The following DNAJC17 variants were observed in gnomAD, a reference collection of about 807,000 sequenced individuals.
DNAJC17 encodes the protein DnaJ heat shock protein family (Hsp40) member C17, also known as dnaJ homolog subfamily C member 17.
A neutral mutation model predicts 48.1 loss-of-function variants in DNAJC17; 35 were observed. The observed-to-expected ratio is 0.73, with a 90% CI of 0.56 to 0.96. The LOEUF (loss-of-function observed/expected upper bound fraction) is 0.96, where lower values mean the gene tolerates loss of function less well. Among genes scored for constraint, DNAJC17 ranks in the 50% least tolerant of loss-of-function variants. The pLI is 0.00. For missense variants in DNAJC17, 355 were observed against 377.1 expected, an observed-to-expected ratio of 0.94 and a Z score of 0.48; for synonymous variants, 117 against 142.7, an observed-to-expected ratio of 0.82 and a Z score of 1.28.
chr15:40,779,776 C>A (rs907392523), intron 2 of DNAJC17, 152 bp downstream of exon 2: 3 of 1,092,628 alleles, frequency 2.7e-6, no homozygotes, highest in Non-Finnish European at 2.7e-6. Flanking sequence ...TGACCAGACA[C>A]CCCTCACAGG....
intron 1 of DNAJC17, among the ~76,000 whole-genome samples, chr15:40,802,009 C>G (rs1890088563): frequency 6.6e-6 from 1 of 151,916 alleles, no homozygotes; most frequent in Non-Finnish European, 1.5e-5. Context: ...GGGAGGCTGA[C>G]TCATCAGGAC....
chr15:40,802,273 C>A (rs752082548), intron 1 of DNAJC17, among the ~76,000 whole-genome samples: 1 of 151,388 alleles, frequency 6.6e-6, no homozygotes, highest in Non-Finnish European at 1.5e-5. Flanking sequence ...CAGGTTCAAG[C>A]GATTCTCCTG....
intron 7 of DNAJC17, 198 bp downstream of exon 7, chr15:40,775,355 T>G: frequency 1.3e-6 from 1 of 744,294 alleles, no homozygotes; most frequent in Non-Finnish European, 2.3e-6. Context: ...CTCTGCCCTG[T>G]GATCAGGGCT....
Position 40,767,967 on chromosome 15 carries a change from C to G in DNAJC17, c.888G>C (p.Gln296His). Residue 296 changes from glutamine (Q) to histidine (H), a missense_variant, in exon 11 of 11, where the codon CAG (glutamine) becomes CAC (histidine). Transcript: ENST00000220496. ...ACGTAGGCGGCCCCTCCTGGTCTTCCTGCTGCATCCGTGCGATCAGCTGTT... is the reference window on the plus strand; with the variant it reads ...ACGTAGGCGGCCCCTCCTGGTCTTCGTGCTGCATCCGTGCGATCAGCTGTT... ...ERQQLIARMQ[Q>H]EDQEGPPT is the part of the protein sequence containing the mutation. 6.2e-7 allele frequency: 1 copy of G among 1,613,008 alleles called. No individual in the cohort carries two copies. The highest frequency in any genetic ancestry group is 8.5e-7 in the Non-Finnish European group (1 of 1,179,702).
At position 40,769,103 on chromosome 15, in the gene DNAJC17, A is replaced by G. The variant is rs1261422571; in HGVS notation, c.793-1041T>C. On this transcript the variant is annotated intron_variant, in intron 10 of 10. Transcript: ENST00000220496. This position sits in a 1 kb window ranked among gnomAD's most constrained non-coding sequence, Gnocchi z 4.2. Reference sequence around the variant, plus strand: ...GAGTAAGGGGTGTAGAGAAACAGGAAGTGTTACTCAGCCTGGGTTCCCCTG... The same window carrying G: ...GAGTAAGGGGTGTAGAGAAACAGGAGGTGTTACTCAGCCTGGGTTCCCCTG... 6.6e-6 allele frequency among the ~76,000 whole-genome samples: 1 copy of G among 152,186 alleles called. No homozygotes were observed. Among genetic ancestry groups the G allele is most frequent in the Non-Finnish European group, 1.5e-5 (1 of 68,024 alleles).
intron 8 of DNAJC17, 123 bp from the exon 9 acceptor site, chr15:40,774,559 T>C: frequency 2.0e-6 from 2 of 1,015,666 alleles, no homozygotes; most frequent in Non-Finnish European, 3.0e-6. Flanking sequence ...GATAACTTCT[T>C]GCCCCACCTA....
intron 10 of DNAJC17, among the ~76,000 whole-genome samples, chr15:40,768,955 G>A (rs963686416): frequency 4.6e-5 from 7 of 152,256 alleles, no homozygotes; most frequent in South Asian, 2.1e-4. Flanking sequence ...GCCCTGATCC[G>A]CGGTACCCCG....
chr15:40,773,633 A>G, intron 10 of DNAJC17, 94 bp downstream of exon 10: 2 of 990,458 alleles, frequency 2.0e-6, no homozygotes, highest in South Asian at 1.7e-5. Flanking sequence ...CTAGGCCCCA[A>G]GATCTGAATT....
At chr15:40,797,103 C>T (rs551549803) in intron 1 of DNAJC17, among the ~76,000 whole-genome samples, 1 of 152,200 alleles carries the variant, frequency 6.6e-6, no homozygotes, top group South Asian at 2.1e-4. Context: ...GGGATCGTAG[C>T]TCATGCCTGT....
intron 1 of DNAJC17, among the ~76,000 whole-genome samples, chr15:40,784,956 G>C (rs1234803975): frequency 1.3e-5 from 2 of 152,058 alleles, no homozygotes; most frequent in African/African-American, 4.8e-5. Flanking sequence ...AAATTAGCTG[G>C]GCATGGTGGT....
rs1291861016 is a variant in DNAJC17 at position 40,767,252 on chromosome 15, C to A, written c.*688G>T. On this transcript the variant is annotated 3_prime_UTR_variant, in exon 11 of 11. Transcript: ENST00000220496. ...TATGAATACTACGTCGATGACCCTC[C>A]CCGCATAGTCCTGGACAAGCTGGAA... The A allele has an allele frequency of 6.3e-7, 1 of 1,591,750 alleles. No homozygotes were observed. The highest frequency in any genetic ancestry group is 8.6e-7 in the Non-Finnish European group (1 of 1,169,446).
intron 10 of DNAJC17, chr15:40,771,329 G>T: frequency 2.3e-6 from 1 of 427,054 alleles, no homozygotes; most frequent in East Asian, 4.9e-5. Context: ...TGCCGGGAAA[G>T]GGAGGCTCTG....
chr15:40,807,137 G>A, intron 1 of DNAJC17: 1 of 1,065,688 alleles, frequency 9.4e-7, no homozygotes, highest in Non-Finnish European at 1.3e-6. Context: ...GGGCCACGGG[G>A]AGAGCACAGC....
intron 1 of DNAJC17, among the ~76,000 whole-genome samples, chr15:40,804,144 T>G (rs1285500918): frequency 2.0e-5 from 3 of 150,222 alleles, no homozygotes; most frequent in Admixed American, 6.6e-5. Flanking sequence ...TTTTTTTATA[T>G]ATAGAGAGAG....
intron 1 of DNAJC17, among the ~76,000 whole-genome samples, chr15:40,806,487 G>A (rs1377732794): frequency 1.3e-5 from 2 of 152,134 alleles, no homozygotes; most frequent in Non-Finnish European, 2.9e-5. Context: ...AAAGTGCTGA[G>A]ATTACAGGCG....
intron 10 of DNAJC17, chr15:40,771,512 C>T (rs563551120): frequency 3.5e-4 from 62 of 178,602 alleles, no homozygotes; most frequent in Middle Eastern, 3.2e-3. Flanking sequence ...TAAAGGCAGT[C>T]CAACCCAGGC....
At chr15:40,806,324 T>C (rs1240326517) in intron 1 of DNAJC17, among the ~76,000 whole-genome samples, 14 of 150,742 alleles carry the variant, frequency 9.3e-5, no homozygotes, top group African/African-American at 1.7e-4. Context: ...GTTCCAGTGA[T>C]TCTCCTGCCT....
At chr15:40,797,598 G>C (rs1330475405) in intron 1 of DNAJC17, among the ~76,000 whole-genome samples, 1 of 151,130 alleles carries the variant, frequency 6.6e-6, no homozygotes, top group Non-Finnish European at 1.5e-5. Context: ...TTTTAGTAGA[G>C]CCGGGATTTC....
At chr15:40,775,673 C>T (rs1889299984) in intron 6 of DNAJC17, 77 bp from the exon 7 acceptor site, 2 of 1,470,804 alleles carry the variant, frequency 1.4e-6, no homozygotes, top group Non-Finnish European at 1.9e-6. Flanking sequence ...CAGCCCAGAG[C>T]AAGAAGGGTC....
Sources: allele counts gnomAD v4.1 joint callset (sites outside exome capture counted in the v4.1 genomes callset), GRCh38; gene constraint gnomAD v4.1.1; non-coding constraint Gnocchi (gnomAD v3.1); transcripts MANE v1.5; gene names NCBI Gene and HGNC (gene_info 2026-07-23, HGNC 2026-07-21).